SMYD3: variants seen among roughly 807,000 people sequenced by gnomAD.
The protein encoded by SMYD3 is SET and MYND domain containing 3.
In SMYD3, 36 loss-of-function variants were observed where a neutral mutation model predicts 57.7. That is an observed-to-expected ratio of 0.62 (90% CI 0.48 to 0.82). SMYD3 has a LOEUF of 0.82. SMYD3 is among the 40% of genes least tolerant of loss of function. The pLI, the probability that SMYD3 is intolerant of heterozygous loss-of-function variation, is 0.00. For missense variants in SMYD3, 515 were observed against 538.8 expected (o/e 0.96, Z 0.44); for synonymous variants, 211 against 195.0 (o/e 1.08, Z -0.68).
At chr1:245,935,979 A>C (rs749077736) in intron 5 of SMYD3, among the ~76,000 whole-genome samples, 13 of 152,216 alleles carry the variant, frequency 8.5e-5, no homozygotes, top group Non-Finnish European at 1.6e-4. Context: ...TGATGACTAC[A>C]GTTAATAATA....
intron 1 of SMYD3, among the ~76,000 whole-genome samples, chr1:246,498,663 G>T (rs895282705): frequency 2.6e-5 from 4 of 150,954 alleles, no homozygotes; most frequent in African/African-American, 9.7e-5. Flanking sequence ...CCTGGGAGAC[G>T]GAGCTGGCAG....
chr1:245,968,746 G>A (rs2058218445), intron 5 of SMYD3, among the ~76,000 whole-genome samples: 1 of 152,128 alleles, frequency 6.6e-6, no homozygotes, highest in East Asian at 1.9e-4. Context: ...GTGGACTGTA[G>A]ACACAAACCA....
At chr1:246,241,623 G>A (rs185817526) in intron 5 of SMYD3, among the ~76,000 whole-genome samples, 24 of 152,254 alleles carry the variant, frequency 1.6e-4, no homozygotes, top group African/African-American at 5.8e-4. Flanking sequence ...GAGTTAGGGA[G>A]GATTCCCTCT....
At chr1:246,467,646 C>G (rs569043113) in intron 1 of SMYD3, among the ~76,000 whole-genome samples, 1 of 152,232 alleles carries the variant, frequency 6.6e-6, no homozygotes, top group South Asian at 2.1e-4. Flanking sequence ...AAGCAAAGCC[C>G]AGGACCTGAC....
chr1:245,795,407 TCA>T (rs2047480681), intron 10 of SMYD3, among the ~76,000 whole-genome samples: 1 of 152,200 alleles, frequency 6.6e-6, no homozygotes, highest in African/African-American at 2.4e-5. Context: ...ACTTCCCATT[TCA>T]CAGAGTACAT....
intron 5 of SMYD3, among the ~76,000 whole-genome samples, chr1:246,032,953 G>A (rs2059704276): frequency 6.6e-6 from 1 of 152,138 alleles, no homozygotes. Context: ...TATATAATAA[G>A]AATGATAATC....
chr1:245,991,047 A>AAGGGG (rs1310060265), intron 5 of SMYD3, among the ~76,000 whole-genome samples: 1 of 152,248 alleles, frequency 6.6e-6, no homozygotes, highest in African/African-American at 2.4e-5. Flanking sequence ...ACAATTACCA[A>AAGGGG]AGATCCAAAC....
chr1:246,408,424 T>C (rs1480226066), intron 1 of SMYD3, among the ~76,000 whole-genome samples: 1 of 152,122 alleles, frequency 6.6e-6, no homozygotes, highest in Non-Finnish European at 1.5e-5. Flanking sequence ...ATAGGGGTGA[T>C]GTCCTCTGCT....
intron 5 of SMYD3, among the ~76,000 whole-genome samples, chr1:246,228,206 G>A (rs1380720361): frequency 1.3e-5 from 2 of 152,220 alleles, no homozygotes; most frequent in East Asian, 3.9e-4. Context: ...CTGACCTTGA[G>A]TGATCCACCT....
intron 1 of SMYD3, among the ~76,000 whole-genome samples, chr1:246,398,258 A>T (rs1469799346): frequency 6.6e-6 from 1 of 152,224 alleles, no homozygotes; most frequent in African/African-American, 2.4e-5. Context: ...TCAGTCCCTG[A>T]GCAAGAAGGG....
At chr1:246,253,655 C>G (rs1235264738) in intron 5 of SMYD3, among the ~76,000 whole-genome samples, 1 of 152,124 alleles carries the variant, frequency 6.6e-6, no homozygotes, top group Non-Finnish European at 1.5e-5. Context: ...TTTTCTAGTT[C>G]TTGTAAAAAT....
chr1:246,234,920 TCATTACC>T (rs2063489548), intron 5 of SMYD3, among the ~76,000 whole-genome samples: 1 of 152,100 alleles, frequency 6.6e-6, no homozygotes, highest in African/African-American at 2.4e-5. Flanking sequence ...GAAAATCAGG[TCATTACC>T]CATGAGATTG....
chr1:246,331,864 T>C (rs1311882591), intron 3 of SMYD3, among the ~76,000 whole-genome samples: 2 of 152,248 alleles, frequency 1.3e-5, no homozygotes, highest in African/African-American at 2.4e-5. Context: ...TGATCAGAGA[T>C]CTTTAATGTT....
chr1:246,263,050 C>A (rs182246530), intron 5 of SMYD3, among the ~76,000 whole-genome samples: 24 of 152,192 alleles, frequency 1.6e-4, no homozygotes, highest in Non-Finnish European at 3.2e-4. Flanking sequence ...AATTCTATTA[C>A]AAATATCACA....
intron 5 of SMYD3, among the ~76,000 whole-genome samples, chr1:246,257,970 T>C (rs1247879937): frequency 2.0e-5 from 3 of 152,218 alleles, no homozygotes; most frequent in Non-Finnish European, 4.4e-5. Flanking sequence ...GATGCTGCCA[T>C]GCTTCCTGTA....
At chr1:245,933,514 C>T (rs1572727906) in intron 5 of SMYD3, among the ~76,000 whole-genome samples, 1 of 152,224 alleles carries the variant, frequency 6.6e-6, no homozygotes, top group East Asian at 1.9e-4. Flanking sequence ...TGACAAAAAT[C>T]TAGTGAGTTG....
chr1:245,988,761 T>C (rs10802306), intron 5 of SMYD3, among the ~76,000 whole-genome samples: 151,925 of 152,362 alleles, frequency 1, 75,748 homozygotes, highest in Middle Eastern at 1. Flanking sequence ...CAGAGAACGG[T>C]TTGGGAGGAG....
At chr1:246,388,108 A>G (rs557969745) in intron 1 of SMYD3, among the ~76,000 whole-genome samples, 25 of 92,812 alleles carry the variant, frequency 2.7e-4, no homozygotes, top group African/African-American at 9.5e-4. Context: ...CTTGAAAATC[A>G]CCTCGAGGTT....
chr1:245,816,019 A>G (rs761338707), intron 10 of SMYD3, among the ~76,000 whole-genome samples: 1 of 152,212 alleles, frequency 6.6e-6, no homozygotes, highest in African/African-American at 2.4e-5. Flanking sequence ...TCAAAAGAAC[A>G]GTGCACCTCT....
Sources: allele counts gnomAD v4.1 joint callset (sites outside exome capture counted in the v4.1 genomes callset), GRCh38; gene constraint gnomAD v4.1.1; transcripts MANE v1.5; gene names NCBI Gene and HGNC (gene_info 2026-07-23, HGNC 2026-07-21).